COL24A1: variants seen among roughly 807,000 people sequenced by gnomAD.
The protein encoded by COL24A1 is collagen alpha-1(XXIV) chain.
A neutral mutation model predicts 253.9 loss-of-function variants in COL24A1; 224 were observed. The observed-to-expected ratio is 0.88, with a 90% CI of 0.79 to 0.99. The LOEUF (loss-of-function observed/expected upper bound fraction) is 0.99, where lower values mean the gene tolerates loss of function less well. Among genes scored for constraint, COL24A1 ranks in the 50% least tolerant of loss-of-function variants. The pLI is 0.00. For missense variants in COL24A1, 2,131 were observed against 2,068.5 expected, an observed-to-expected ratio of 1.03 and a Z score of -0.59; for synonymous variants, 685 against 673.7, an observed-to-expected ratio of 1.02 and a Z score of -0.26.
At chr1:85,832,616 T>C (rs201326055) in intron 43 of COL24A1, among the ~76,000 whole-genome samples, 55,084 of 149,022 alleles carry the variant, frequency 0.37, 10,839 homozygotes, top group Non-Finnish European at 0.42. Context: ...CAGTGGTTTG[T>C]AGTTCTCCTT....
intron 56 of COL24A1, among the ~76,000 whole-genome samples, 161 bp from the exon 57 acceptor site, chr1:85,744,995 C>A (rs964890613): frequency 2.0e-5 from 3 of 151,626 alleles, no homozygotes; most frequent in Non-Finnish European, 4.4e-5. Context: ...GCTTTAATAA[C>A]CTTAATCTTT....
chr1:85,737,621 C>A, intron 57 of COL24A1, 116 bp from the exon 58 acceptor site: 5 of 671,716 alleles, frequency 7.4e-6, no homozygotes, highest in Non-Finnish European at 1.2e-5. Flanking sequence ...TGGAGTGCAG[C>A]GGTGCGATCT....
At chr1:86,002,049 T>C (rs924118705) in intron 19 of COL24A1, among the ~76,000 whole-genome samples, 4 of 152,202 alleles carry the variant, frequency 2.6e-5, no homozygotes. Context: ...AATTGACATA[T>C]ATAATAGATA....
At chr1:85,854,314 T>C (rs1311495658) in intron 37 of COL24A1, among the ~76,000 whole-genome samples, 2 of 152,248 alleles carry the variant, frequency 1.3e-5, no homozygotes, top group African/African-American at 2.4e-5. Context: ...ACCTGTTTCA[T>C]TGGTCTGTGT....
intron 3 of COL24A1, among the ~76,000 whole-genome samples, chr1:86,123,352 C>T (rs981750264): frequency 2.0e-5 from 3 of 152,006 alleles, no homozygotes; most frequent in East Asian, 1.9e-4. Context: ...ATTTTTTTAA[C>T]CTTTGAACAT....
At chr1:86,018,878 A>T (rs1043030252) in intron 18 of COL24A1, among the ~76,000 whole-genome samples, 43 of 150,954 alleles carry the variant, frequency 2.8e-4, no homozygotes, top group Middle Eastern at 3.5e-3. Context: ...ATTTTTTTTT[A>T]AAATACTTGT....
intron 28 of COL24A1, among the ~76,000 whole-genome samples, chr1:85,905,674 G>A (rs1684749966): frequency 6.6e-6 from 1 of 152,028 alleles, no homozygotes; most frequent in South Asian, 2.1e-4. Flanking sequence ...TAGATCCTTG[G>A]GGAGGTAGGA....
chr1:85,904,320 A>G (rs1684602243), intron 28 of COL24A1, among the ~76,000 whole-genome samples: 1 of 152,132 alleles, frequency 6.6e-6, no homozygotes, highest in Non-Finnish European at 1.5e-5. Flanking sequence ...GCTCTGTGTC[A>G]TCTCTCCTGT....
chr1:85,878,346 T>G (rs190750366), intron 32 of COL24A1, among the ~76,000 whole-genome samples: 73 of 152,262 alleles, frequency 4.8e-4, no homozygotes, highest in African/African-American at 1.7e-3. Flanking sequence ...AGCTCTCTCG[T>G]GCATCTTTTA....
At chr1:85,770,774 G>C (rs1485866212) in intron 53 of COL24A1, among the ~76,000 whole-genome samples, 5 of 152,134 alleles carry the variant, frequency 3.3e-5, no homozygotes, top group African/African-American at 1.2e-4. Flanking sequence ...GAGGGAAGTA[G>C]GGCCAGTATA....
chr1:85,770,766 G>A (rs537420186), intron 53 of COL24A1, among the ~76,000 whole-genome samples: 109 of 152,260 alleles, frequency 7.2e-4, no homozygotes, highest in African/African-American at 2.5e-3. Flanking sequence ...CTAGAAATGA[G>A]GGAAGTAGGG....
At chr1:85,746,579 G>A (rs1665241403) in intron 55 of COL24A1, among the ~76,000 whole-genome samples, 1 of 152,172 alleles carries the variant, frequency 6.6e-6, no homozygotes, top group African/African-American at 2.4e-5. Flanking sequence ...ACGAAACTAT[G>A]AGAGAAATTA....
chr1:86,035,145 T>C (rs115523830), intron 12 of COL24A1, among the ~76,000 whole-genome samples: 2,497 of 152,264 alleles, frequency 0.016, 27 homozygotes, highest in Non-Finnish European at 0.026. Flanking sequence ...ACAGTTTCTC[T>C]TATTCTGTAA....
chr1:86,049,524 C>A (rs980587367), intron 11 of COL24A1, among the ~76,000 whole-genome samples: 1 of 152,042 alleles, frequency 6.6e-6, no homozygotes, highest in African/African-American at 2.4e-5. Context: ...TTAATACTGG[C>A]AATGTAAATG....
chr1:85,804,409 A>T (rs934816065), intron 47 of COL24A1, among the ~76,000 whole-genome samples: 1 of 152,182 alleles, frequency 6.6e-6, no homozygotes, highest in Non-Finnish European at 1.5e-5. Context: ...TAGTCATCCA[A>T]TGGAAATGAG....
At chr1:85,959,271 G>T (rs1293902154) in intron 24 of COL24A1, among the ~76,000 whole-genome samples, 4 of 152,058 alleles carry the variant, frequency 2.6e-5, no homozygotes, top group Non-Finnish European at 5.9e-5. Context: ...GAATAAACTT[G>T]ATATAGGCAG....
At chr1:86,069,786 A>C (rs919017155) in intron 7 of COL24A1, among the ~76,000 whole-genome samples, 2 of 152,236 alleles carry the variant, frequency 1.3e-5, no homozygotes, top group Non-Finnish European at 2.9e-5. Context: ...GTACCTCTAC[A>C]AAAACCACAG....
intron 27 of COL24A1, 64 bp downstream of exon 27, chr1:85,908,534 A>T: frequency 1.1e-6 from 1 of 925,722 alleles, no homozygotes; most frequent in Non-Finnish European, 1.6e-6. Context: ...AAAGCATAAC[A>T]ATTTATGAGT....
At chr1:85,852,367 T>C (rs1349001374) in intron 37 of COL24A1, among the ~76,000 whole-genome samples, 1 of 152,204 alleles carries the variant, frequency 6.6e-6, no homozygotes, top group Non-Finnish European at 1.5e-5. Context: ...ATAAGTTATA[T>C]CAGATAGGTC....
Sources: gnomAD v4.1 joint callset for allele counts (sites outside exome capture counted in the v4.1 genomes callset) on GRCh38, gnomAD v4.1.1 for gene constraint, MANE v1.5 for transcripts, NCBI Gene and HGNC (gene_info 2026-07-23, HGNC 2026-07-21) for gene names.